SLC16A10: variants seen among roughly 807,000 people sequenced by gnomAD.
The protein encoded by SLC16A10 is monocarboxylate transporter 10.
Under a neutral mutation model 40.0 loss-of-function variants are expected in SLC16A10, and 27 were observed. The observed-to-expected ratio is 0.67, with a 90% CI of 0.50 to 0.93. The LOEUF (loss-of-function observed/expected upper bound fraction) is 0.93. Ranked by LOEUF, SLC16A10 falls within the 40% of genes least tolerant of loss-of-function variation. The probability of loss-of-function intolerance (pLI) is 0.00; values close to 1 mark genes in which losing one functional copy is unlikely to be tolerated. For missense variants in SLC16A10, 529 were observed against 658.2 expected, an observed-to-expected ratio of 0.80 and a Z score of 2.15; for synonymous variants, 213 against 249.8, an observed-to-expected ratio of 0.85 and a Z score of 1.39.
At position 111,227,475 on chromosome 6, in the gene SLC16A10, AGTAAAGAC is replaced by A. The variant is rs1771022819; in HGVS notation, c.*5241_*5248del. ...TTTATCAGATGACTCCTCCTGAGACAGTAAAGACTCCTGGAAAATTCATGACATCTTTG... is the reference window on the plus strand; with the variant it reads ...TTTATCAGATGACTCCTCCTGAGACATCCTGGAAAATTCATGACATCTTTG... On this transcript the variant is annotated 3_prime_UTR_variant, in exon 6 of 6. Transcript: ENST00000368851. 6.6e-6 allele frequency: 1 copy of A among 152,218 alleles called. No homozygotes were observed. Among genetic ancestry groups the A allele is most frequent in the African/African-American group, 2.4e-5 (1 of 41,456 alleles). The allele number at this position is 152,218 out of a possible 1,614,324, so 9.4% of individuals were successfully genotyped here.
chr6:111,114,884 A>T (rs1182694383), intron 1 of SLC16A10, among the ~76,000 whole-genome samples: 11 of 151,788 alleles, frequency 7.2e-5, no homozygotes, highest in Non-Finnish European at 1.3e-4. Flanking sequence ...ATTTTTATTT[A>T]TTTTTTTTGA....
intron 3 of SLC16A10, among the ~76,000 whole-genome samples, chr6:111,188,112 A>G (rs1409591913): frequency 6.6e-6 from 1 of 152,182 alleles, no homozygotes; most frequent in Non-Finnish European, 1.5e-5. Flanking sequence ...ATTTATTTAA[A>G]ATGGAGTTAT....
intron 1 of SLC16A10, among the ~76,000 whole-genome samples, chr6:111,097,422 G>A (rs1039241653): frequency 4.6e-5 from 7 of 151,418 alleles, no homozygotes; most frequent in South Asian, 2.1e-4. Context: ...AGCGATTTTC[G>A]TGTCCCAGCC....
At chr6:111,194,323 C>T (rs560949923) in intron 3 of SLC16A10, among the ~76,000 whole-genome samples, 9 of 152,248 alleles carry the variant, frequency 5.9e-5, no homozygotes, top group East Asian at 1.9e-4. Context: ...TCTCAGGTCA[C>T]ACACATATAG....
intron 1 of SLC16A10, among the ~76,000 whole-genome samples, chr6:111,136,995 A>C (rs574736439): frequency 6.6e-6 from 1 of 152,346 alleles, no homozygotes; most frequent in South Asian, 2.1e-4. Flanking sequence ...GCCATTAAGA[A>C]ACTATTATTG....
intron 3 of SLC16A10, among the ~76,000 whole-genome samples, chr6:111,193,028 CT>C (rs1404151664): frequency 6.6e-6 from 1 of 151,774 alleles, no homozygotes; most frequent in Non-Finnish European, 1.5e-5. Context: ...TTCTTATTAC[CT>C]TTTTTTTGAG....
At chr6:111,179,202 A>G (rs966211123) in intron 3 of SLC16A10, among the ~76,000 whole-genome samples, 1 of 152,126 alleles carries the variant, frequency 6.6e-6, no homozygotes, top group Admixed American at 6.5e-5. Flanking sequence ...CTAATACTAG[A>G]CATTTACCAA....
In SLC16A10 at chr6:111,177,529, C is replaced by A. The variant is rs1386098913; in HGVS notation, c.806C>A (p.Ser269Tyr). 4 of 1,613,366 alleles carry A rather than the reference C, an allele frequency of 2.5e-6. No homozygotes were observed. The highest frequency in any genetic ancestry group is 3.4e-6 in the Non-Finnish European group (4 of 1,179,876). Residue 269 changes from serine to tyrosine, a missense_variant, in exon 3 of 6, where the codon TCC becomes TAC. Coordinates refer to ENST00000368851, the MANE Select transcript of SLC16A10 (RefSeq NM_018593.5). The stretch of plus-strand genomic sequence containing the variant: ...AAAGAGAGTGGAGGTAGCGGATCCT[C>A]CCTCTTTTCCAGGAAAAAGTTCAGT... ...KDKESGGSGS[S>Y]LFSRKKFSPP...
In SLC16A10 at chr6:111,223,197, T is replaced by A. The variant is rs1770935353; in HGVS notation, c.*962T>A. On this transcript the variant is annotated 3_prime_UTR_variant, in exon 6 of 6. Transcript: ENST00000368851. Reference sequence around the variant, plus strand: ...TATTTGTGAAGAAAATATCTGTAGCTGATAGAAATAATTGCTTAAATTGGT... The same window carrying A: ...TATTTGTGAAGAAAATATCTGTAGCAGATAGAAATAATTGCTTAAATTGGT... The A allele has an allele frequency of 6.6e-6, 1 of 152,188 alleles. No individual in the cohort carries two copies. Among genetic ancestry groups the A allele is most frequent in the Non-Finnish European group, 1.5e-5 (1 of 68,032 alleles). 9.4% of individuals were successfully genotyped at this position (152,188 alleles called of 1,614,324 possible).
At chr6:111,090,489 G>A (rs1020885619) in intron 1 of SLC16A10, among the ~76,000 whole-genome samples, 1 of 152,196 alleles carries the variant, frequency 6.6e-6, no homozygotes. Context: ...ATACATATAT[G>A]ACTGATAGAT....
chr6:111,100,150 A>T (rs1449187755), intron 1 of SLC16A10, among the ~76,000 whole-genome samples: 1 of 152,024 alleles, frequency 6.6e-6, no homozygotes, highest in Non-Finnish European at 1.5e-5. Flanking sequence ...TAAACTTTAG[A>T]TTAGTCTATT....
At chr6:111,124,112 C>T (rs1328224946) in intron 1 of SLC16A10, among the ~76,000 whole-genome samples, 1 of 152,066 alleles carries the variant, frequency 6.6e-6, no homozygotes, top group Non-Finnish European at 1.5e-5. Flanking sequence ...ATGATTTCAT[C>T]ATATGACTTG....
At chr6:111,147,787 T>C (rs902711764) in intron 1 of SLC16A10, among the ~76,000 whole-genome samples, 2 of 152,188 alleles carry the variant, frequency 1.3e-5, no homozygotes, top group Non-Finnish European at 2.9e-5. Flanking sequence ...TTTGTGGACA[T>C]AGAACAACAG....
chr6:111,105,590 A>G (rs1336276475), intron 1 of SLC16A10, among the ~76,000 whole-genome samples: 3 of 152,194 alleles, frequency 2.0e-5, no homozygotes, highest in African/African-American at 7.2e-5. Context: ...ATAACTAGCC[A>G]CCTGGCCACA....
At chr6:111,091,384 C>G (rs1770972395) in intron 1 of SLC16A10, 1 of 152,102 alleles carries the variant, frequency 6.6e-6, no homozygotes, top group Non-Finnish European at 1.5e-5. Context: ...TAACATTCTG[C>G]AAATACGATG....
intron 1 of SLC16A10, among the ~76,000 whole-genome samples, chr6:111,089,036 T>C (rs1478624927): frequency 6.6e-6 from 1 of 152,166 alleles, no homozygotes; most frequent in Non-Finnish European, 1.5e-5. Context: ...CTTCAAGGGC[T>C]AAGTGATTTC....
At chr6:111,178,573 G>T in intron 3 of SLC16A10, 1 of 325,924 alleles carries the variant, frequency 3.1e-6, no homozygotes, top group South Asian at 2.4e-5. Context: ...AAAAAAAGAA[G>T]GAAGAAGCAG....
Position 111,224,220 on chromosome 6 carries a change from G to GC in SLC16A10, c.*1986dup, listed in dbSNP as rs1770950704. ...ACTGTACTCTAGCCTGTTCAACTGA[G>GC]CAGAACCCTGTCTGTAAAAGAAAAT... is the stretch of plus-strand genomic sequence containing the variant. On this transcript the variant is annotated 3_prime_UTR_variant, in exon 6 of 6. Transcript: ENST00000368851. 1 of 152,188 alleles carries GC rather than the reference G, an allele frequency of 6.6e-6. No homozygotes were observed. Among genetic ancestry groups the GC allele is most frequent in the Non-Finnish European group, 1.5e-5 (1 of 68,040 alleles). 9.4% of individuals were successfully genotyped at this position (152,188 alleles called of 1,614,324 possible). A position where few individuals can be genotyped will look rare whatever the true frequency, so the allele number is the denominator to read the frequency against.
At chr6:111,188,072 T>C (rs1486773188) in intron 3 of SLC16A10, among the ~76,000 whole-genome samples, 1 of 152,218 alleles carries the variant, frequency 6.6e-6, no homozygotes, top group Non-Finnish European at 1.5e-5. Context: ...GCCTGGTGGA[T>C]GATGGTTACA....
Sources: allele counts gnomAD v4.1 joint callset (sites outside exome capture counted in the v4.1 genomes callset), GRCh38; gene constraint gnomAD v4.1.1; transcripts MANE v1.5; gene names NCBI Gene and HGNC (gene_info 2026-07-23, HGNC 2026-07-21).